MYO10: variants seen among roughly 807,000 people sequenced by gnomAD.
MYO10 encodes myosin X.
MYO10 carries 133 observed loss-of-function variants against 257.3 expected under a neutral mutation model. The observed-to-expected ratio is 0.52, with a 90% CI of 0.45 to 0.60. The LOEUF is 0.60. MYO10 is among the 20% of genes least tolerant of loss of function. The pLI is 0.00. For synonymous variants in MYO10, 1,104 were observed against 1,028.6 expected (o/e 1.07, Z -1.40); for missense variants, 2,399 against 2,635.7 (o/e 0.91, Z 1.97).
At chr5:16,856,766 T>C (rs1359893013) in intron 2 of MYO10, among the ~76,000 whole-genome samples, 2 of 152,108 alleles carry the variant, frequency 1.3e-5, no homozygotes, top group African/African-American at 2.4e-5. Flanking sequence ...AGTCCAACGC[T>C]GCAGTCATGC....
At chr5:16,816,852 C>T (rs2126703395) in intron 3 of MYO10, among the ~76,000 whole-genome samples, 1 of 134,748 alleles carries the variant, frequency 7.4e-6, no homozygotes, top group Admixed American at 7.8e-5. Flanking sequence ...CAGAGTTTCG[C>T]TCTGTCACCC....
At chr5:16,737,594 A>G (rs1739855506) in intron 19 of MYO10, among the ~76,000 whole-genome samples, 1 of 152,254 alleles carries the variant, frequency 6.6e-6, no homozygotes, top group Non-Finnish European at 1.5e-5. Flanking sequence ...TAACAAGTTA[A>G]CTTACATGTA....
At chr5:16,714,693 G>A (rs1738771787) in intron 19 of MYO10, among the ~76,000 whole-genome samples, 1 of 152,154 alleles carries the variant, frequency 6.6e-6, no homozygotes, top group South Asian at 2.1e-4. Flanking sequence ...CGTGGTGGCG[G>A]GCGCCTGCAG....
rs958780812 is a variant in MYO10 at position 16,895,327 on chromosome 5, A to T, written c.22-17620T>A. 3.9e-5 allele frequency among the ~76,000 whole-genome samples: 6 copies of T among 152,302 alleles called. No individual in the cohort carries two copies. In the East Asian group the frequency reaches 1.2e-3, roughly 29 times the overall value. ...GAAGACCCTGCTGCAGTGAATGGAG[A>T]ATGGGCCGAGCCCAGGAGGCTGACG... is the stretch of plus-strand genomic sequence containing the variant. On this transcript the variant is annotated intron_variant, in intron 1 of 40. Coordinates refer to ENST00000513610, the MANE Select transcript of MYO10 (RefSeq NM_012334.3).
chr5:16,930,791 C>T (rs977389558), intron 1 of MYO10, among the ~76,000 whole-genome samples: 3 of 152,194 alleles, frequency 2.0e-5, no homozygotes, highest in Non-Finnish European at 4.4e-5. Flanking sequence ...GAGATCCCAT[C>T]GGAGGGAGCC....
chr5:16,932,833 C>T (rs1396860184), intron 1 of MYO10, among the ~76,000 whole-genome samples: 1 of 152,140 alleles, frequency 6.6e-6, no homozygotes, highest in Non-Finnish European at 1.5e-5. Context: ...TGCTCTGGAG[C>T]GCAGCGGTGC....
At position 16,701,658 on chromosome 5, in the gene MYO10, C is replaced by T. The variant is rs371050920; in HGVS notation, c.2737G>A (p.Glu913Lys). 5.6e-6 allele frequency: 9 copies of T among 1,613,694 alleles called. No individual in the cohort carries two copies. Among genetic ancestry groups the T allele is most frequent in the African/African-American group, 2.7e-5 (2 of 74,950 alleles). Residue 913 changes from glutamate (E) to lysine (K), a missense_variant, in exon 25 of 41, where the codon GAG becomes AAG. Physicochemically the swap from Glu to Lys is moderately conservative, Grantham distance 56. This residue lies in a region of MYO10 where 1,820 missense variants were observed against 1,939.4 expected (regional missense o/e 0.94). Transcript: ENST00000513610. The surrounding 1 kb of genome is among the most constrained non-coding windows in gnomAD (Gnocchi z 8.1). Reference sequence around the variant, plus strand: ...TCCTGCAGCTTCTGCAGGGAAGCCTCGGTCAGCGACAGCTCCTGCTGCTCC... The same window carrying T: ...TCCTGCAGCTTCTGCAGGGAAGCCTTGGTCAGCGACAGCTCCTGCTGCTCC... ...MKEQQELSLT[E>K]ASLQKLQERR...
rs994335829 is a variant in MYO10, at chr5:16,712,047, A to C, written c.1930-802T>G. Among the ~76,000 whole-genome samples the C allele has an allele frequency of 3.4e-4, 41 of 121,404 alleles. 1 individual carries two copies. Among genetic ancestry groups the C allele is most frequent in the African/African-American group, 1.0e-3 (33 of 31,878 alleles). The allele number at this position is 121,404 out of a possible 152,430, so 79.6% of individuals were successfully genotyped here. A position where few individuals can be genotyped will look rare whatever the true frequency, so the allele number is the denominator to read the frequency against. On this transcript the variant is annotated intron_variant, in intron 19 of 40. Coordinates refer to ENST00000513610, the MANE Select transcript of MYO10 (RefSeq NM_012334.3). ...ACTTTTTAAATTTGAATTTAAAGTC[A>C]TTTTTTACCTAAGAACACAGTGACT...
rs1411225135 is a variant in MYO10, at chr5:16,766,109, C to T, written c.1150G>A (p.Glu384Lys). ...TQRSMFLRGEEILTPLNVQQA... is the reference protein window; with the variant it reads ...TQRSMFLRGEKILTPLNVQQA... ...TGAACATTGAGAGGCGTGAGGATCT[C>T]TTCTCCCCTGAGGAACATTGATCTC... is the stretch of plus-strand genomic sequence containing the variant. Residue 384 changes from glutamate (E) to lysine (K), a missense_variant, in exon 11 of 41, where the codon GAG (glutamate) becomes AAG (lysine). Physicochemically the swap from Glu to Lys is moderately conservative, Grantham distance 56 (BLOSUM62 1). This residue lies in a region of MYO10 where 337 missense variants were observed against 446.8 expected (regional missense o/e 0.75). Coordinates refer to ENST00000513610, the MANE Select transcript of MYO10 (RefSeq NM_012334.3). 1 of 1,613,260 alleles carries T rather than the reference C, an allele frequency of 6.2e-7. No individual in the cohort carries two copies. Among genetic ancestry groups the T allele is most frequent in the African/African-American group, 1.3e-5 (1 of 74,912 alleles).
chr5:16,677,230 T>A (rs1736768745), intron 33 of MYO10, among the ~76,000 whole-genome samples: 2 of 152,320 alleles, frequency 1.3e-5, no homozygotes, highest in African/African-American at 4.8e-5. Context: ...ACTTTTTCAG[T>A]AATATCCAAT....
chr5:16,690,011 G>GAAA, intron 27 of MYO10, 92 bp from the exon 28 acceptor site: 2 of 937,162 alleles, frequency 2.1e-6, no homozygotes. Context: ...GACTAGAGTT[G>GAAA]GGAACTGTCT....
intron 1 of MYO10, chr5:16,902,225 TA>T (rs199677567): frequency 6.3e-4 from 426 of 672,980 alleles, no homozygotes; most frequent in African/African-American, 5.4e-3. Context: ...TTTTTTTTTT[TA>T]AAGTACAATT....
At chr5:16,823,751 C>T (rs1298742102) in intron 2 of MYO10, among the ~76,000 whole-genome samples, 20 of 146,260 alleles carry the variant, frequency 1.4e-4, no homozygotes, top group African/African-American at 2.8e-4. Context: ...GGATTACAGG[C>T]GTGAGCCACT....
At chr5:16,788,702 G>C (rs1038876901) in intron 4 of MYO10, among the ~76,000 whole-genome samples, 1 of 152,066 alleles carries the variant, frequency 6.6e-6, no homozygotes, top group African/African-American at 2.4e-5. Flanking sequence ...TGGGTGAGAA[G>C]ACAGCAGATG....
At position 16,902,352 on chromosome 5, in the gene MYO10, G is replaced by A. The variant is rs151192590; in HGVS notation, c.22-24645C>T. The stretch of plus-strand genomic sequence containing the variant: ...ACCCGCAGTTCTAAATCAGGGTGGG[G>A]GTGTTCGGTCCTTGCGGGCTTCACG... On this transcript the variant is annotated intron_variant, in intron 1 of 40. Transcript: ENST00000513610. 7.8e-3 allele frequency: 9,143 copies of A among 1,178,272 alleles called. 60 individuals are homozygous for A. Among genetic ancestry groups the A allele is most frequent in the Non-Finnish European group, 8.9e-3 (7,110 of 797,208 alleles). The allele number at this position is 1,178,272 out of a possible 1,614,324, so 73.0% of individuals were successfully genotyped here. A position where few individuals can be genotyped will look rare whatever the true frequency, so the allele number is the denominator to read the frequency against.
chr5:16,750,900 CAGG>C (rs1181206784), intron 19 of MYO10, among the ~76,000 whole-genome samples: 1 of 152,146 alleles, frequency 6.6e-6, no homozygotes, highest in Non-Finnish European at 1.5e-5. Context: ...GAGGCTGAGG[CAGG>C]AGAATCGCTT....
At chr5:16,697,915 T>C (rs183489134) in intron 26 of MYO10, among the ~76,000 whole-genome samples, 86 of 152,216 alleles carry the variant, frequency 5.6e-4, no homozygotes, top group Admixed American at 9.8e-4. Context: ...CCAGTCTAGG[T>C]CCATGCGAGA....
intron 12 of MYO10, 82 bp from the exon 13 acceptor site, chr5:16,763,837 C>G: frequency 1.1e-6 from 1 of 898,626 alleles, no homozygotes; most frequent in Non-Finnish European, 1.7e-6. Context: ...AAGAAAAGAT[C>G]TGCAGAGAAA....
rs1287344494 is a variant in MYO10 at position 16,794,710 on chromosome 5, C to T, written c.403G>A (p.Ala135Thr). Residue 135 changes from alanine to threonine, a missense_variant, in exon 4 of 41, where the codon GCC (alanine) becomes ACC (threonine). By Grantham distance (58) the Ala-to-Thr change is moderately conservative (BLOSUM62 0). Coordinates refer to ENST00000513610, the MANE Select transcript of MYO10 (RefSeq NM_012334.3). The part of the protein sequence containing the change: ...HLGELPPHIF[A>T]IANECYRCLW... ...CAGCGGTAGCACTCGTTGGCGATGG[C>T]GAAGATGTGCGGGGGCAGCTCGCCC... 1.2e-6 allele frequency: 2 copies of T among 1,613,476 alleles called. No homozygotes were observed. The highest frequency in any genetic ancestry group is 1.7e-6 in the Non-Finnish European group (2 of 1,179,704).
Sources: gnomAD v4.1 joint callset for allele counts (sites outside exome capture counted in the v4.1 genomes callset) on GRCh38, gnomAD v4.1.1 for gene constraint, gnomAD v4.1.1 regional missense constraint, Gnocchi (gnomAD v3.1) non-coding constraint, MANE v1.5 for transcripts, NCBI Gene and HGNC (gene_info 2026-07-23, HGNC 2026-07-21) for gene names.